The following LRP3 variants were observed in gnomAD, a reference collection of about 807,000 sequenced individuals.
The protein encoded by LRP3 is LDL receptor related protein 3.
A neutral mutation model predicts 58.5 loss-of-function variants in LRP3; 49 were observed. The observed-to-expected ratio is 0.84, with a 90% CI of 0.67 to 1.06. The LOEUF (loss-of-function observed/expected upper bound fraction) is 1.06, where lower values mean the gene tolerates loss of function less well. LRP3 is among the 50% of genes least tolerant of loss of function. LRP3 has a pLI of 0.00. For synonymous variants in LRP3, 485 were observed against 492.2 expected, an observed-to-expected ratio of 0.99 and a Z score of 0.20; for missense variants, 1,019 against 1,134.2, an observed-to-expected ratio of 0.90 and a Z score of 1.46.
In LRP3 at chr19:33,205,231, G is replaced by A. The variant is rs1281554058; in HGVS notation, c.476-15G>A. ...CTGTCTCCTGACTGTCCCCTGCTAC[G>A]TCTCCACCCCACAGGGAAGCTGGGC... On this transcript the variant is annotated splice_polypyrimidine_tract_variant and intron_variant, in intron 4 of 6. Coordinates refer to ENST00000253193, the MANE Select transcript of LRP3 (RefSeq NM_002333.4). 5.6e-6 allele frequency: 9 copies of A among 1,601,946 alleles called. No individual in the cohort carries two copies. Among genetic ancestry groups the A allele is most frequent in the Middle Eastern group, 1.7e-4 (1 of 6,044 alleles).
chr19:33,201,258 C>G (rs953800171), intron 2 of LRP3, among the ~76,000 whole-genome samples: 3 of 152,174 alleles, frequency 2.0e-5, no homozygotes, highest in Middle Eastern at 3.2e-3. Flanking sequence ...TGGGGGCTAT[C>G]CCGGAGGGCT....
rs1193049690 is a variant in LRP3, at chr19:33,205,451, C to T, written c.681C>T (p.Cys227=). ...GCAGCGGGGCGCGCTCCACGCGCTGCCTGCCTGTGGAGCGGCGCTGTGACG... is the reference window on the plus strand; with the variant it reads ...GCAGCGGGGCGCGCTCCACGCGCTGTCTGCCTGTGGAGCGGCGCTGTGACG... ...FPCSGARSTR[C]LPVERRCDGL... The change falls in exon 5 of 7, where the codon TGC becomes TGT. Residue 227 remains cysteine, a synonymous_variant. Coordinates refer to ENST00000253193, the MANE Select transcript of LRP3 (RefSeq NM_002333.4). 3.2e-6 allele frequency: 5 copies of T among 1,586,430 alleles called. No homozygotes were observed. Among genetic ancestry groups the T allele is most frequent in the African/African-American group, 1.3e-5 (1 of 74,512 alleles).
At chr19:33,202,035 AG>A (rs1329774136) in intron 2 of LRP3, among the ~76,000 whole-genome samples, 10 of 152,184 alleles carry the variant, frequency 6.6e-5, no homozygotes, top group Admixed American at 3.9e-4. Flanking sequence ...TGAGGCCCCC[AG>A]AGGCCTACAG....
At position 33,206,353 on chromosome 19, in the gene LRP3, A is replaced by G. The variant is rs1463819707; in HGVS notation, c.1583A>G (p.Gln528Arg). 3.7e-6 allele frequency: 6 copies of G among 1,604,722 alleles called. No homozygotes were observed. Among genetic ancestry groups the G allele is most frequent in the Non-Finnish European group, 4.2e-6 (5 of 1,178,318 alleles). The change falls in exon 5 of 7, where the codon CAG becomes CGG. Residue 528 changes from glutamine (Q) to arginine (R), a missense_variant. This residue lies in a region of LRP3 where 427 missense variants were observed against 408.6 expected (regional missense o/e 1.04). Transcript: ENST00000253193. Reference protein sequence around the residue: ...CAFKLYSLRTQEYRAFETQMT... With the variant: ...CAFKLYSLRTREYRAFETQMT... ...TTCAAGCTCTACTCACTGCGCACGC[A>G]GGAATACAGGTGGGCGCTGTGCCCG...
At chr19:33,197,720 G>C (rs1248346363) in intron 2 of LRP3, among the ~76,000 whole-genome samples, 1 of 152,194 alleles carries the variant, frequency 6.6e-6, no homozygotes, top group African/African-American at 2.4e-5. Flanking sequence ...GCTCGGTGGG[G>C]CAGGAGGTGC....
chr19:33,200,703 C>A (rs1007714518), intron 2 of LRP3, among the ~76,000 whole-genome samples: 1 of 152,242 alleles, frequency 6.6e-6, no homozygotes, highest in Non-Finnish European at 1.5e-5. Flanking sequence ...GATAGTTTAT[C>A]TCCTGCCCTT....
In LRP3 at chr19:33,206,135, C is replaced by G; in HGVS notation, c.1365C>G (p.Cys455Trp). Residue 455 changes from cysteine (C) to tryptophan (W), a missense_variant, in exon 5 of 7, where the codon TGC becomes TGG. Cys to Trp is a radical substitution (Grantham distance 215, BLOSUM62 -2). This residue lies in a region of LRP3 where 592 missense variants were observed against 725.5 expected (regional missense o/e 0.82). Coordinates refer to ENST00000253193, the MANE Select transcript of LRP3 (RefSeq NM_002333.4). The part of the protein sequence containing the change: ...DGADEKNCFS[C>W]QPGTFHCGTN... ...CCGACGAGAAGAACTGCTTCTCCTG[C>G]CAGCCCGGCACCTTCCACTGCGGTA... 3 of 1,608,606 alleles carry G rather than the reference C, an allele frequency of 1.9e-6. No homozygotes were observed. Among genetic ancestry groups the G allele is most frequent in the Non-Finnish European group, 2.5e-6 (3 of 1,179,120 alleles).
chr19:33,206,466 G>A, intron 5 of LRP3, 104 bp downstream of exon 5: 1 of 1,594,582 alleles, frequency 6.3e-7, no homozygotes, highest in South Asian at 1.1e-5. Context: ...TAGCTACATG[G>A]AGGCTGCCCT....
intron 2 of LRP3, among the ~76,000 whole-genome samples, chr19:33,200,993 G>A (rs1974335584): frequency 6.6e-6 from 1 of 152,306 alleles, no homozygotes; most frequent in Non-Finnish European, 1.5e-5. Flanking sequence ...GGCCTTCATG[G>A]TCCTAGTAGG....
In LRP3 at chr19:33,206,666, A is replaced by G. The variant is rs1241408927; in HGVS notation, c.1658A>G (p.Tyr553Cys). 1 of 1,583,690 alleles carries G rather than the reference A, an allele frequency of 6.3e-7. No homozygotes were observed. Among genetic ancestry groups the G allele is most frequent in the South Asian group, 1.2e-5 (1 of 86,222 alleles). ...EFVRREAPPS[Y>C]GQLIAQGLIP... Reference sequence around the variant, plus strand: ...GTGCGGCGGGAGGCACCCCCATCCTATGGTCAGCTCATCGCCCAGGGCCTC... The same window carrying G: ...GTGCGGCGGGAGGCACCCCCATCCTGTGGTCAGCTCATCGCCCAGGGCCTC... Residue 553 changes from tyrosine (Y) to cysteine (C), a missense_variant, in exon 6 of 7, where the codon TAT (tyrosine) becomes TGT (cysteine). By Grantham distance (194) the Tyr-to-Cys change is radical. This residue lies in a region of LRP3 where 427 missense variants were observed against 408.6 expected (regional missense o/e 1.04). Transcript: ENST00000253193.
chr19:33,194,889 G>T, intron 1 of LRP3, 31 bp downstream of exon 1: 1 of 1,069,898 alleles, frequency 9.3e-7, no homozygotes, highest in Admixed American at 5.2e-5. Context: ...GGGCAGGTCC[G>T]GGTCCCCCGC....
chr19:33,204,294 C>T (rs973489635), intron 3 of LRP3: 6 of 300,596 alleles, frequency 2.0e-5, no homozygotes, highest in East Asian at 7.1e-5. Context: ...GGGAGGGTGT[C>T]GGGGCAGGGG....
chr19:33,205,462 A>C lies in LRP3; in HGVS notation c.692A>C (p.Glu231Ala). The change falls in exon 5 of 7, where the codon GAG becomes GCG. Residue 231 changes from glutamate (E) to alanine (A), a missense_variant. By Grantham distance (107) the Glu-to-Ala change is moderately radical. Coordinates refer to ENST00000253193, the MANE Select transcript of LRP3 (RefSeq NM_002333.4). ...GARSTRCLPV[E>A]RRCDGLQDCG... is the part of the protein sequence containing the mutation. ...CGCTCCACGCGCTGCCTGCCTGTGGAGCGGCGCTGTGACGGCTTGCAGGAC... is the reference window on the plus strand; with the variant it reads ...CGCTCCACGCGCTGCCTGCCTGTGGCGCGGCGCTGTGACGGCTTGCAGGAC... 1 of 1,585,748 alleles carries C rather than the reference A, an allele frequency of 6.3e-7. No individual in the cohort carries two copies. The highest frequency in any genetic ancestry group is 2.3e-5 in the East Asian group (1 of 44,326).
intron 3 of LRP3, among the ~76,000 whole-genome samples, chr19:33,203,643 G>T (rs1974367799): frequency 6.6e-6 from 1 of 152,204 alleles, no homozygotes; most frequent in African/African-American, 2.4e-5. Context: ...TCGTTCATGG[G>T]GTGTGGGGGG....
chr19:33,207,113 G>T lies in LRP3; in HGVS notation c.1851G>T (p.Ala617=). 1.3e-6 allele frequency: 2 copies of T among 1,525,168 alleles called. No individual in the cohort carries two copies. The highest frequency in any genetic ancestry group is 1.2e-5 in the South Asian group (1 of 82,684). 94.5% of individuals were successfully genotyped at this position (1,525,168 alleles called of 1,614,324 possible). A position where few individuals can be genotyped will look rare whatever the true frequency, so the allele number is the denominator to read the frequency against. The change falls in exon 7 of 7, where the codon GCG becomes GCT. Residue 617 remains alanine, a synonymous_variant. Coordinates refer to ENST00000253193, the MANE Select transcript of LRP3 (RefSeq NM_002333.4). ...ACCGGCTCTTTCACCGGCCGCGGGC[G>T]CCCCGAGGCCAGATCCCACTGCTGA... ...LWNRLFHRPR[A]PRGQIPLLTA...
At chr19:33,198,853 G>A (rs1015422288) in intron 2 of LRP3, among the ~76,000 whole-genome samples, 19 of 152,212 alleles carry the variant, frequency 1.2e-4, no homozygotes, top group Non-Finnish European at 2.1e-4. Flanking sequence ...GCTCCCCGTC[G>A]TCGGATTACA....
chr19:33,207,795 C>T lies in LRP3; in HGVS notation c.*220C>T, dbSNP rs1974445042. 1.7e-6 allele frequency: 1 copy of T among 574,672 alleles called. No homozygotes were observed. The allele number at this position is 574,672 out of a possible 1,614,324, so 35.6% of individuals were successfully genotyped here. ...AGTGGTGAGCCCGTCTGCAGGGTCCCATTGTACACAAGCACCCTGGGGTCT... is the reference window on the plus strand; with the variant it reads ...AGTGGTGAGCCCGTCTGCAGGGTCCTATTGTACACAAGCACCCTGGGGTCT... On this transcript the variant is annotated 3_prime_UTR_variant, in exon 7 of 7. Coordinates refer to ENST00000253193, the MANE Select transcript of LRP3 (RefSeq NM_002333.4).
intron 1 of LRP3, among the ~76,000 whole-genome samples, chr19:33,196,056 G>A (rs536661309): frequency 6.6e-6 from 1 of 152,292 alleles, no homozygotes; most frequent in Admixed American, 6.5e-5. Flanking sequence ...TGAAAGTAAG[G>A]GCCAAACCCC....
intron 4 of LRP3, 130 bp downstream of exon 4, chr19:33,204,982 C>A: frequency 1.1e-6 from 1 of 878,552 alleles, no homozygotes; most frequent in South Asian, 1.6e-5. Flanking sequence ...ACCGCCCTGT[C>A]AATCTCAGGA....
Sources: allele counts gnomAD v4.1 joint callset (sites outside exome capture counted in the v4.1 genomes callset), GRCh38; gene constraint gnomAD v4.1.1; regional missense constraint gnomAD v4.1.1; transcripts MANE v1.5; gene names NCBI Gene and HGNC (gene_info 2026-07-23, HGNC 2026-07-21).